Variants in CSMD1 observed in about 807,000 individuals in gnomAD.
CSMD1 encodes CUB and Sushi multiple domains 1, also known as CUB and sushi domain-containing protein 1.
In CSMD1, 213 loss-of-function variants were observed where a neutral mutation model predicts 417.5. That is an observed-to-expected ratio of 0.51 (90% CI 0.46 to 0.57). The LOEUF (loss-of-function observed/expected upper bound fraction) is 0.57. Ranked by LOEUF, CSMD1 falls within the 20% of genes least tolerant of loss-of-function variation. CSMD1 has a pLI of 0.00. For missense variants in CSMD1, 6,923 were observed against 4,529.7 expected (o/e 1.53, Z -15.17); for synonymous variants, 2,862 against 1,736.8 (o/e 1.65, Z -16.11).
intron 2 of CSMD1, among the ~76,000 whole-genome samples, chr8:4,432,291 G>A (rs577730441): frequency 6.6e-6 from 1 of 152,104 alleles, no homozygotes. Context: ...GTTTTTATGA[G>A]GCAAGAGCCC....
At chr8:3,173,728 T>G (rs1345551859) in intron 37 of CSMD1, among the ~76,000 whole-genome samples, 3 of 152,194 alleles carry the variant, frequency 2.0e-5, no homozygotes, top group Admixed American at 6.5e-5. Flanking sequence ...GAGTTCTGCT[T>G]TCTCTATTTA....
intron 3 of CSMD1, among the ~76,000 whole-genome samples, chr8:4,135,062 G>C (rs892747275): frequency 6.6e-6 from 1 of 152,034 alleles, no homozygotes; most frequent in African/African-American, 2.4e-5. Context: ...TCTTAGCACA[G>C]TGAGTTCACA....
chr8:3,091,544 A>T lies in CSMD1; in HGVS notation c.7257T>A (p.Ser2419Arg), dbSNP rs746315242. The change falls in exon 48 of 70, where the codon AGT becomes AGA. Residue 2419 changes from serine (S) to arginine (R), a missense_variant. Transcript: ENST00000635120. ...YLRWSTDHATSKKGFKIRYAA... is the reference protein window; with the variant it reads ...YLRWSTDHATRKKGFKIRYAA... ...CATAGCGAATCTTGAATCCTTTCTT[A>T]CTGGTGGCATGGTCAGTGGACCAGC... 1.7e-5 allele frequency: 27 copies of T among 1,606,728 alleles called. No homozygotes were observed. The Admixed American group carries it at 4.2e-4, about 25-fold the overall frequency.
At chr8:3,982,940 C>T (rs1813995594) in intron 5 of CSMD1, among the ~76,000 whole-genome samples, 1 of 151,996 alleles carries the variant, frequency 6.6e-6, no homozygotes, top group Admixed American at 6.6e-5. Flanking sequence ...ATGCACTTTG[C>T]AGATGAAAAA....
In CSMD1 at chr8:4,005,751, T is replaced by C. The variant is rs568548678; in HGVS notation, c.611-7641A>G. 2.0e-5 allele frequency among the ~76,000 whole-genome samples: 3 copies of C among 152,312 alleles called. No homozygotes were observed. In the South Asian group the frequency reaches 6.2e-4, roughly 32 times the overall value. On this transcript the variant is annotated intron_variant, in intron 4 of 69. Transcript: ENST00000635120. ...AGCTAAATATGTGGAAGTGAGTTAT[T>C]GTATACAAGCAAACATTAACATCAG...
intron 1 of CSMD1, among the ~76,000 whole-genome samples, chr8:4,637,931 A>C (rs1324398733): frequency 6.6e-6 from 1 of 151,976 alleles, no homozygotes; most frequent in Non-Finnish European, 1.5e-5. Flanking sequence ...CGGCCTCCCA[A>C]AGTGCTGGGA....
rs1811907298 is a variant in CSMD1, at chr8:3,399,469, C to G, written c.2327G>C (p.Gly776Ala). The G allele has an allele frequency of 6.2e-7, 1 of 1,609,812 alleles. No individual in the cohort carries two copies. The highest frequency in any genetic ancestry group is 1.3e-5 in the African/African-American group (1 of 74,830). Reference sequence around the variant, plus strand: ...ACAATGTAAAGAATCCTTATAATATCCTGGCCATCCAGGAGGCAAAATGAC... The same window carrying G: ...ACAATGTAAAGAATCCTTATAATATGCTGGCCATCCAGGAGGCAAAATGAC... ...SGVILPPGWP[G>A]YYKDSLHCEW... is the part of the protein sequence containing the mutation. Residue 776 changes from glycine (G) to alanine (A), a missense_variant, in exon 16 of 70, where the codon GGA becomes GCA. Gly to Ala is a moderately conservative substitution (Grantham distance 60, BLOSUM62 0). Coordinates refer to ENST00000635120, the MANE Select transcript of CSMD1 (RefSeq NM_033225.6).
In CSMD1 at chr8:4,677,963, A is replaced by G. The variant is rs561514904; in HGVS notation, c.86-40405T>C. Among the ~76,000 whole-genome samples, 58 of 152,328 alleles carry G rather than the reference A, an allele frequency of 3.8e-4. 1 individual carries two copies. Among genetic ancestry groups the G allele is most frequent in the African/African-American group, 1.3e-3 (54 of 41,570 alleles). On this transcript the variant is annotated intron_variant, in intron 1 of 69. Coordinates refer to ENST00000635120, the MANE Select transcript of CSMD1 (RefSeq NM_033225.6). Reference sequence around the variant, plus strand: ...ACACTAGAAAAAAAATGAAATAGACATAAAGCCTGCCTTCCATGGTTTGAT... The same window carrying G: ...ACACTAGAAAAAAAATGAAATAGACGTAAAGCCTGCCTTCCATGGTTTGAT...
At chr8:3,549,399 A>C (rs540978232) in intron 10 of CSMD1, among the ~76,000 whole-genome samples, 1 of 152,318 alleles carries the variant, frequency 6.6e-6, no homozygotes, top group East Asian at 1.9e-4. Context: ...CTCTGGCCTG[A>C]TGATGGGAGG....
intron 3 of CSMD1, among the ~76,000 whole-genome samples, chr8:4,116,336 C>T (rs542972286): frequency 7.2e-5 from 11 of 152,250 alleles, no homozygotes; most frequent in Admixed American, 6.5e-4. Context: ...CTGTATGATA[C>T]TATAAGGGTG....
chr8:3,698,692 T>A (rs1265909774), intron 7 of CSMD1, among the ~76,000 whole-genome samples: 2 of 152,198 alleles, frequency 1.3e-5, no homozygotes, highest in Non-Finnish European at 2.9e-5. Context: ...TCCTTAATAA[T>A]ATTATTGTGA....
At chr8:3,253,255 C>T (rs1261320574) in intron 26 of CSMD1, among the ~76,000 whole-genome samples, 1 of 152,090 alleles carries the variant, frequency 6.6e-6, no homozygotes, top group Non-Finnish European at 1.5e-5. Context: ...TTTCAAAGAA[C>T]ATCTTTATTT....
intron 1 of CSMD1, among the ~76,000 whole-genome samples, chr8:4,743,849 C>G (rs1810780584): frequency 6.6e-6 from 1 of 152,202 alleles, no homozygotes; most frequent in Non-Finnish European, 1.5e-5. Flanking sequence ...TTGCGGTCCA[C>G]TTTTCTCTGT....
At chr8:3,923,344 G>A (rs528847961) in intron 5 of CSMD1, among the ~76,000 whole-genome samples, 14 of 152,124 alleles carry the variant, frequency 9.2e-5, no homozygotes, top group South Asian at 2.1e-4. Flanking sequence ...ATCCACATAC[G>A]TATATTTTTT....
At chr8:4,164,752 T>C (rs890264622) in intron 3 of CSMD1, among the ~76,000 whole-genome samples, 8 of 152,082 alleles carry the variant, frequency 5.3e-5, no homozygotes, top group African/African-American at 1.7e-4. Context: ...AGTTTGTGCC[T>C]GTAGTCCTAG....
intron 18 of CSMD1, among the ~76,000 whole-genome samples, chr8:3,384,356 T>C (rs1361802749): frequency 6.6e-6 from 1 of 152,088 alleles, no homozygotes; most frequent in Admixed American, 6.6e-5. Context: ...CAACACTATG[T>C]CTTAATAGGA....
At position 3,299,802 on chromosome 8, in the gene CSMD1, A is replaced by G. The variant is rs568080860; in HGVS notation, c.3950+7893T>C. On this transcript the variant is annotated intron_variant, in intron 25 of 69. Coordinates refer to ENST00000635120, the MANE Select transcript of CSMD1 (RefSeq NM_033225.6). ...AGATATAACCAATAAAATGTTTGGA[A>G]TATTTTTTTTCTGGACAGATTGTTA... is the stretch of plus-strand genomic sequence containing the variant. Among the ~76,000 whole-genome samples the G allele has an allele frequency of 3.3e-5, 5 of 152,334 alleles. No individual in the cohort carries two copies. The South Asian group carries it at 1.0e-3, about 32-fold the overall frequency.
At chr8:4,853,687 T>C (rs1461470344) in intron 1 of CSMD1, among the ~76,000 whole-genome samples, 2 of 152,178 alleles carry the variant, frequency 1.3e-5, no homozygotes, top group Non-Finnish European at 2.9e-5. Context: ...AGAAGACCAC[T>C]GCCTTCCAAA....
chr8:3,194,906 G>A (rs1796618175), intron 33 of CSMD1, among the ~76,000 whole-genome samples: 1 of 152,106 alleles, frequency 6.6e-6, no homozygotes, highest in Non-Finnish European at 1.5e-5. Flanking sequence ...GAGAACCCAG[G>A]TTAGAGATGG....
Sources: allele counts gnomAD v4.1 joint callset (sites outside exome capture counted in the v4.1 genomes callset), GRCh38; gene constraint gnomAD v4.1.1; transcripts MANE v1.5; gene names NCBI Gene and HGNC (gene_info 2026-07-23, HGNC 2026-07-21).